Variants in STT3B observed in about 807,000 individuals in gnomAD.
STT3B encodes the protein STT3 oligosaccharyltransferase complex catalytic subunit B, also known as dolichyl-diphosphooligosaccharide--protein glycosyltransferase subunit STT3B.
STT3B carries 29 observed loss-of-function variants against 96.8 expected under a neutral mutation model. The observed-to-expected ratio is 0.30, with a 90% CI of 0.22 to 0.41. STT3B has a LOEUF of 0.41. STT3B is among the 10% of genes least tolerant of loss of function. STT3B has a pLI of 1.00. For missense variants in STT3B, 640 were observed against 1,022.3 expected (o/e 0.63, Z 5.10); for synonymous variants, 367 against 360.0 (o/e 1.02, Z -0.22).
At chr3:31,551,504 A>T (rs1160370132) in intron 1 of STT3B, among the ~76,000 whole-genome samples, 1 of 152,174 alleles carries the variant, frequency 6.6e-6, no homozygotes, top group Non-Finnish European at 1.5e-5. Context: ...TGCATGAGCC[A>T]CTGTGCCTGG....
In STT3B at chr3:31,624,907, T is replaced by C. The variant is rs1272667458; in HGVS notation, c.1728-7T>C. The C allele has an allele frequency of 6.2e-7, 1 of 1,607,778 alleles. No homozygotes were observed. ...CTCATTTAAAAGAGTATTGTGATTC[T>C]TTTCAGCACCAGGAATATCTTAGAT... On this transcript the variant is annotated splice_region_variant and splice_polypyrimidine_tract_variant and intron_variant, in intron 11 of 15. Coordinates refer to ENST00000295770, the MANE Select transcript of STT3B (RefSeq NM_178862.3).
At position 31,579,827 on chromosome 3, in the gene STT3B, A is replaced by G; in HGVS notation, c.442A>G (p.Ile148Val). The part of the protein sequence containing the change: ...VGGTVYPGLM[I>V]TAGLIHWILN... ...TTCCTAGGTTTACCCAGGGTTGATGATAACCGCTGGCCTTATTCATTGGAT... is the reference window on the plus strand; with the variant it reads ...TTCCTAGGTTTACCCAGGGTTGATGGTAACCGCTGGCCTTATTCATTGGAT... The change falls in exon 3 of 16, where the codon ATA becomes GTA. Residue 148 changes from isoleucine to valine, a missense_variant. Physicochemically the swap from Ile to Val is conservative, Grantham distance 29. This residue lies in a region of STT3B where 267 missense variants were observed against 388.3 expected (regional missense o/e 0.69). Transcript: ENST00000295770. 4 of 1,612,080 alleles carry G rather than the reference A, an allele frequency of 2.5e-6. No homozygotes were observed. In the Admixed American group the frequency reaches 6.7e-5, roughly 27 times the overall value.
At position 31,533,170 on chromosome 3, in the gene STT3B, C is replaced by A; in HGVS notation, c.172C>A (p.Leu58Met). 1.5e-6 allele frequency: 2 copies of A among 1,355,256 alleles called. No homozygotes were observed. Among genetic ancestry groups the A allele is most frequent in the Non-Finnish European group, 1.9e-6 (2 of 1,046,076 alleles). The allele number at this position is 1,355,256 out of a possible 1,614,324, so 84.0% of individuals were successfully genotyped here. ...AAPPKPAPAG[L>M]SGGLSQPAGW... Reference sequence around the variant, plus strand: ...GCCGCCGAAGCCGGCCCCGGCGGGGCTGTCCGGGGGGCTGTCGCAGCCGGC... The same window carrying A: ...GCCGCCGAAGCCGGCCCCGGCGGGGATGTCCGGGGGGCTGTCGCAGCCGGC... Residue 58 changes from leucine to methionine, a missense_variant, in exon 1 of 16, where the codon CTG becomes ATG. Physicochemically the swap from Leu to Met is conservative, Grantham distance 15. Transcript: ENST00000295770.
In STT3B at chr3:31,533,136, C is replaced by T; in HGVS notation, c.138C>T (p.Gly46=). The change falls in exon 1 of 16, where the codon GGC becomes GGT. Residue 46 remains glycine (G), a synonymous_variant. Transcript: ENST00000295770. ...CCCAGTGCGCGCACAAGGCGGCGGG[C>T]GGCGCGGCGCCGCCGAAGCCGGCCC... ...PGAQCAHKAA[G]GAAPPKPAPA... is the part of the protein sequence containing the mutation. 2.3e-6 allele frequency: 3 copies of T among 1,294,674 alleles called. No individual in the cohort carries two copies. Among genetic ancestry groups the T allele is most frequent in the South Asian group, 2.9e-5 (1 of 34,580 alleles). 80.2% of individuals were successfully genotyped at this position (1,294,674 alleles called of 1,614,324 possible).
chr3:31,586,851 G>C (rs1698550600), intron 3 of STT3B, among the ~76,000 whole-genome samples: 1 of 151,950 alleles, frequency 6.6e-6, no homozygotes, highest in African/African-American at 2.4e-5. Flanking sequence ...GCTTTTTTTA[G>C]CTGTTTGCAT....
At chr3:31,553,972 G>A (rs561700484) in intron 1 of STT3B, among the ~76,000 whole-genome samples, 1 of 152,152 alleles carries the variant, frequency 6.6e-6, no homozygotes, top group South Asian at 2.1e-4. Flanking sequence ...ATATTTTATG[G>A]CTGCATTTTT....
chr3:31,593,979 T>C (rs543954037), intron 3 of STT3B, among the ~76,000 whole-genome samples: 1 of 152,276 alleles, frequency 6.6e-6, no homozygotes, highest in East Asian at 1.9e-4. Flanking sequence ...GCATGTCTTA[T>C]AGTTTTGGGT....
chr3:31,562,764 G>T (rs567534261), intron 1 of STT3B, among the ~76,000 whole-genome samples: 129 of 152,308 alleles, frequency 8.5e-4, no homozygotes, highest in African/African-American at 2.9e-3. Flanking sequence ...CCTCTGCTGG[G>T]GTGGGCAGTA....
chr3:31,610,886 T>C (rs1699166041), intron 5 of STT3B, among the ~76,000 whole-genome samples: 1 of 152,238 alleles, frequency 6.6e-6, no homozygotes, highest in Non-Finnish European at 1.5e-5. Context: ...TGCCAGTAAC[T>C]GTGCATCCAC....
In STT3B at chr3:31,579,844, T is replaced by C; in HGVS notation, c.459T>C (p.Ile153=). ...YPGLMITAGL[I]HWILNTLNIT... Reference sequence around the variant, plus strand: ...GGTTGATGATAACCGCTGGCCTTATTCATTGGATTTTAAATACATTGAACA... The same window carrying C: ...GGTTGATGATAACCGCTGGCCTTATCCATTGGATTTTAAATACATTGAACA... The change falls in exon 3 of 16, where the codon ATT becomes ATC. Residue 153 remains isoleucine, a synonymous_variant. Transcript: ENST00000295770. 2 of 1,613,790 alleles carry C rather than the reference T, an allele frequency of 1.2e-6. No individual in the cohort carries two copies. The highest frequency in any genetic ancestry group is 1.7e-6 in the Non-Finnish European group (2 of 1,179,754).
intron 1 of STT3B, among the ~76,000 whole-genome samples, chr3:31,563,225 C>T (rs1201370509): frequency 6.6e-6 from 1 of 152,184 alleles, no homozygotes; most frequent in Non-Finnish European, 1.5e-5. Context: ...GTACCAGATA[C>T]ATCTAGTCAA....
At chr3:31,556,008 A>G (rs1697700586) in intron 1 of STT3B, among the ~76,000 whole-genome samples, 1 of 152,110 alleles carries the variant, frequency 6.6e-6, no homozygotes, top group South Asian at 2.1e-4. Context: ...TGTATCTAAC[A>G]GTATTTTTGT....
chr3:31,581,149 G>A (rs1414050761), intron 3 of STT3B, among the ~76,000 whole-genome samples: 1 of 151,962 alleles, frequency 6.6e-6, no homozygotes. Context: ...TACTATGTCT[G>A]TTAATAGCAG....
At chr3:31,555,505 A>G (rs1283744269) in intron 1 of STT3B, among the ~76,000 whole-genome samples, 2 of 152,040 alleles carry the variant, frequency 1.3e-5, no homozygotes, top group Non-Finnish European at 2.9e-5. Flanking sequence ...TTTCTCCTTG[A>G]TAGTTCTGTT....
intron 3 of STT3B, among the ~76,000 whole-genome samples, chr3:31,596,291 G>T (rs1166216087): frequency 6.6e-6 from 1 of 152,056 alleles, no homozygotes; most frequent in Non-Finnish European, 1.5e-5. Flanking sequence ...AAAATAGAAG[G>T]AAACTCTATA....
At chr3:31,544,135 G>A (rs1387211865) in intron 1 of STT3B, among the ~76,000 whole-genome samples, 1 of 152,148 alleles carries the variant, frequency 6.6e-6, no homozygotes, top group African/African-American at 2.4e-5. Flanking sequence ...GAATTTGGGT[G>A]GGGTTGGATT....
At chr3:31,595,217 C>A (rs919883545) in intron 3 of STT3B, among the ~76,000 whole-genome samples, 1 of 152,166 alleles carries the variant, frequency 6.6e-6, no homozygotes, top group Non-Finnish European at 1.5e-5. Flanking sequence ...TAGAGCCCTG[C>A]CAAGTGGAGA....
intron 13 of STT3B, among the ~76,000 whole-genome samples, chr3:31,626,483 T>A (rs921640249): frequency 6.6e-6 from 1 of 152,156 alleles, no homozygotes; most frequent in Non-Finnish European, 1.5e-5. Context: ...ACCTTGAAAT[T>A]GCTATCTTTG....
chr3:31,564,886 G>A (rs183082556), intron 1 of STT3B, among the ~76,000 whole-genome samples: 6 of 152,216 alleles, frequency 3.9e-5, no homozygotes, highest in African/African-American at 7.2e-5. Context: ...AAGAGATTCC[G>A]AACCAATTGT....
Sources: gnomAD v4.1 joint callset for allele counts (sites outside exome capture counted in the v4.1 genomes callset) on GRCh38, gnomAD v4.1.1 for gene constraint, gnomAD v4.1.1 regional missense constraint, MANE v1.5 for transcripts, NCBI Gene and HGNC (gene_info 2026-07-23, HGNC 2026-07-21) for gene names.